RELN: variants seen among roughly 807,000 people sequenced by gnomAD.
RELN encodes the protein reelin.
RELN carries 108 observed loss-of-function variants against 427.6 expected under a neutral mutation model. The ratio of observed to expected loss-of-function variants is 0.25; its 90% CI spans 0.22 to 0.30. The LOEUF (loss-of-function observed/expected upper bound fraction) is 0.30, where lower values mean the gene tolerates loss of function less well. Among genes scored for constraint, RELN ranks in the 10% least tolerant of loss-of-function variants. RELN has a pLI of 1.00. For missense variants in RELN, 3,715 were observed against 4,302.8 expected, an observed-to-expected ratio of 0.86 and a Z score of 3.82; for synonymous variants, 1,524 against 1,513.4, an observed-to-expected ratio of 1.01 and a Z score of -0.16.
At chr7:103,498,294 C>A (rs770000110) in intron 53 of RELN, 42 bp from the exon 54 acceptor site, 1 of 1,549,798 alleles carries the variant, frequency 6.5e-7, no homozygotes, top group Non-Finnish European at 8.9e-7. Context: ...AAAACAATTT[C>A]AGATAACTAT....
chr7:103,546,320 C>A (rs1830296663), intron 41 of RELN, among the ~76,000 whole-genome samples: 1 of 152,200 alleles, frequency 6.6e-6, no homozygotes. Flanking sequence ...CATGGTGTAG[C>A]AAGTATCAGA....
chr7:103,545,847 G>T (rs919346715), intron 41 of RELN, among the ~76,000 whole-genome samples: 3 of 152,064 alleles, frequency 2.0e-5, no homozygotes, highest in East Asian at 1.9e-4. Context: ...TCTTGGCCAG[G>T]CTGGTCTTGA....
intron 1 of RELN, among the ~76,000 whole-genome samples, chr7:103,986,019 C>T (rs1030223527): frequency 4.6e-5 from 7 of 151,636 alleles, no homozygotes; most frequent in Admixed American, 6.6e-5. Flanking sequence ...ACGCACATTG[C>T]GGAAACTGAC....
chr7:103,583,715 A>G (rs1313837319), intron 28 of RELN, among the ~76,000 whole-genome samples: 1 of 152,214 alleles, frequency 6.6e-6, no homozygotes, highest in African/African-American at 2.4e-5. Context: ...GCACAAAAGG[A>G]GAAGGAAACA....
chr7:103,873,682 A>G (rs1794407215), intron 2 of RELN, among the ~76,000 whole-genome samples: 1 of 142,618 alleles, frequency 7.0e-6, no homozygotes, highest in Admixed American at 7.2e-5. Context: ...TGAATAGACC[A>G]ATAACAGGAG....
chr7:103,518,506 T>TTTTTTTTTTTTG (rs1829626531), intron 49 of RELN, among the ~76,000 whole-genome samples: 2 of 87,068 alleles, frequency 2.3e-5, no homozygotes, highest in Admixed American at 1.1e-4. Context: ...GTAATTTAAG[T>TTTTTTTTTTTTG]TTTTTTTTTT....
intron 19 of RELN, among the ~76,000 whole-genome samples, chr7:103,631,344 A>C (rs1832463711): frequency 8.4e-6 from 1 of 118,614 alleles, no homozygotes; most frequent in Admixed American, 1.2e-4. Flanking sequence ...CCCAGGCTGG[A>C]GTGCAATGGC....
Position 103,941,710 on chromosome 7 carries a change from A to T in RELN, c.227-24525T>A, listed in dbSNP as rs934946335. On this transcript the variant is annotated intron_variant, in intron 1 of 64. Coordinates refer to ENST00000428762, the MANE Select transcript of RELN (RefSeq NM_005045.4). ...CTAGTCCAAACACATATATAAACTC[A>T]TAACATTTAACAATGAACATTTGTT... is the stretch of plus-strand genomic sequence containing the variant. Among the ~76,000 whole-genome samples, 26 of 152,290 alleles carry T rather than the reference A, an allele frequency of 1.7e-4. No individual in the cohort carries two copies. The Middle Eastern group carries it at 0.01, about 60-fold the overall frequency.
chr7:103,485,289 A>G (rs1020617023), intron 61 of RELN, among the ~76,000 whole-genome samples: 2 of 150,854 alleles, frequency 1.3e-5, no homozygotes, highest in East Asian at 3.9e-4. Context: ...CATGGTTTCC[A>G]TACAGGAATT....
At chr7:103,877,048 C>A (rs1048725848) in intron 2 of RELN, among the ~76,000 whole-genome samples, 1 of 152,020 alleles carries the variant, frequency 6.6e-6, no homozygotes, top group African/African-American at 2.4e-5. Flanking sequence ...TTCCCCTATG[C>A]CCTCACCCAG....
chr7:103,823,220 G>A (rs1014067878), intron 3 of RELN, among the ~76,000 whole-genome samples: 35 of 143,718 alleles, frequency 2.4e-4, no homozygotes, highest in Admixed American at 2.4e-3. Flanking sequence ...ATGTTTTTGT[G>A]CCATTATGTT....
Position 103,565,546 on chromosome 7 carries a change from G to A in RELN, c.4942C>T (p.Pro1648Ser), listed in dbSNP as rs1285118574. 2 of 1,600,074 alleles carry A rather than the reference G, an allele frequency of 1.2e-6. No homozygotes were observed. Among genetic ancestry groups the A allele is most frequent in the Non-Finnish European group, 1.7e-6 (2 of 1,174,150 alleles). The change falls in exon 34 of 65, where the codon CCT becomes TCT. Residue 1648 changes from proline (P) to serine (S), a missense_variant. By Grantham distance (74) the Pro-to-Ser change is moderately conservative. Around this residue, in one of 4 missense-constraint regions of RELN, gnomAD observed 2,208 missense variants for 2,361.7 expected, o/e 0.93. Transcript: ENST00000428762. Reference sequence around the variant, plus strand: ...AAATCCCAGGTCTCAGCATAACGAGGTTTTCCTGAAAAAAAAAAATGTGTA... The same window carrying A: ...AAATCCCAGGTCTCAGCATAACGAGATTTTCCTGAAAAAAAAAAATGTGTA... Reference protein sequence around the residue: ...ALIFTENIGKPRYAETWDFHV... With the variant: ...ALIFTENIGKSRYAETWDFHV...
In RELN at chr7:103,893,825, T is replaced by C. The variant is rs189145313; in HGVS notation, c.337+23250A>G. 2.6e-4 allele frequency among the ~76,000 whole-genome samples: 40 copies of C among 152,204 alleles called. 1 individual carries two copies. In the East Asian group the frequency reaches 7.7e-3, roughly 29 times the overall value. Reference sequence around the variant, plus strand: ...CAGAACAGCACATAGCCCCCAAAGGTTGAGGATCACTAAGATAGAGTAATG... The same window carrying C: ...CAGAACAGCACATAGCCCCCAAAGGCTGAGGATCACTAAGATAGAGTAATG... On this transcript the variant is annotated intron_variant, in intron 2 of 64. Coordinates refer to ENST00000428762, the MANE Select transcript of RELN (RefSeq NM_005045.4).
intron 2 of RELN, among the ~76,000 whole-genome samples, chr7:103,910,540 G>T (rs1426644675): frequency 6.7e-6 from 1 of 149,522 alleles, no homozygotes; most frequent in Non-Finnish European, 1.5e-5. Flanking sequence ...AGCCCGCATC[G>T]CCAAGTCAAT....
At chr7:103,730,317 T>C (rs542981905) in intron 6 of RELN, among the ~76,000 whole-genome samples, 2 of 152,120 alleles carry the variant, frequency 1.3e-5, no homozygotes, top group Admixed American at 1.3e-4. Context: ...ATAATATATG[T>C]ATTACAAGCC....
chr7:103,842,495 G>A lies in RELN; in HGVS notation c.338-8823C>T, dbSNP rs544898928. Among the ~76,000 whole-genome samples the A allele has an allele frequency of 2.9e-4, 44 of 152,218 alleles. 1 individual carries two copies. In the South Asian group the frequency reaches 8.9e-3, roughly 31 times the overall value. On this transcript the variant is annotated intron_variant, in intron 2 of 64. Coordinates refer to ENST00000428762, the MANE Select transcript of RELN (RefSeq NM_005045.4). ...CAAACATGATTTCATATGCTGAAAA[G>A]TAATCATAGAATTTCCTAAAAACAC...
chr7:103,716,755 G>A (rs934729228), intron 8 of RELN, among the ~76,000 whole-genome samples: 1 of 152,186 alleles, frequency 6.6e-6, no homozygotes. Context: ...AGTTAGAAAA[G>A]GTGAAAGTGA....
At chr7:103,821,154 T>C (rs1051918036) in intron 3 of RELN, among the ~76,000 whole-genome samples, 2 of 152,196 alleles carry the variant, frequency 1.3e-5, no homozygotes, top group Non-Finnish European at 2.9e-5. Flanking sequence ...GACTCTTCTA[T>C]CACATTACAG....
chr7:103,611,630 G>C lies in RELN; in HGVS notation c.2876C>G (p.Thr959Ser). 1.2e-6 allele frequency: 2 copies of C among 1,613,602 alleles called. No individual in the cohort carries two copies. Among genetic ancestry groups the C allele is most frequent in the Non-Finnish European group, 1.7e-6 (2 of 1,179,842 alleles). The change falls in exon 21 of 65, where the codon ACC becomes AGC. Residue 959 changes from threonine (T) to serine (S), a missense_variant. Thr to Ser is a moderately conservative substitution (Grantham distance 58). Around this residue, in one of 4 missense-constraint regions of RELN, gnomAD observed 2,208 missense variants for 2,361.7 expected, o/e 0.93. Coordinates refer to ENST00000428762, the MANE Select transcript of RELN (RefSeq NM_005045.4). ...ACTTACTTCTTGGACGAGGTGCCAG[G>C]TAAGGCCGTGGTTGGTTGAGTACTC... is the stretch of plus-strand genomic sequence containing the variant. Reference protein sequence around the residue: ...KLEYSTNHGLTWHLVQEECLP... With the variant: ...KLEYSTNHGLSWHLVQEECLP...
Sources: gnomAD v4.1 joint callset for allele counts (sites outside exome capture counted in the v4.1 genomes callset) on GRCh38, gnomAD v4.1.1 for gene constraint, gnomAD v4.1.1 regional missense constraint, MANE v1.5 for transcripts, NCBI Gene and HGNC (gene_info 2026-07-23, HGNC 2026-07-21) for gene names.